FXR1: variants seen among roughly 807,000 people sequenced by gnomAD.
FXR1 encodes the protein RNA-binding protein FXR1.
A neutral mutation model predicts 84.0 loss-of-function variants in FXR1; 15 were observed. The observed-to-expected ratio is 0.18, with a 90% CI of 0.12 to 0.27. The LOEUF is 0.27. FXR1 is among the 10% of genes least tolerant of loss of function. FXR1 has a pLI of 1.00. For missense variants in FXR1, 480 were observed against 774.4 expected, an observed-to-expected ratio of 0.62 and a Z score of 4.51; for synonymous variants, 245 against 250.7, an observed-to-expected ratio of 0.98 and a Z score of 0.21.
At chr3:180,974,451 C>G (rs762674767) in intron 15 of FXR1, among the ~76,000 whole-genome samples, 7 of 152,124 alleles carry the variant, frequency 4.6e-5, no homozygotes, top group Non-Finnish European at 1.0e-4. Flanking sequence ...CCCTAAGTTT[C>G]AGTTCTTGAA....
chr3:180,971,079 T>A, intron 15 of FXR1: 1 of 1,226,456 alleles, frequency 8.2e-7, no homozygotes, highest in Non-Finnish European at 1.1e-6. Flanking sequence ...TTACAGATGA[T>A]AGTGAAAAAA....
chr3:180,961,364 AAAAGGT>A (rs1712082762), intron 10 of FXR1, 98 bp from the exon 11 acceptor site: 3 of 334,130 alleles, frequency 9.0e-6, no homozygotes, highest in East Asian at 4.8e-5. Context: ...AAAAAAAAAA[AAAAGGT>A]GTGTGTGTGT....
intron 3 of FXR1, among the ~76,000 whole-genome samples, chr3:180,937,622 GA>G (rs1289419068): frequency 2.0e-5 from 3 of 151,546 alleles, no homozygotes; most frequent in Non-Finnish European, 4.4e-5. Context: ...TTTCACTTTT[GA>G]AAAATTTAAA....
intron 3 of FXR1, among the ~76,000 whole-genome samples, chr3:180,941,677 C>T (rs1289134039): frequency 1.3e-5 from 2 of 152,046 alleles, no homozygotes; most frequent in Non-Finnish European, 1.5e-5. Flanking sequence ...AAAGGAGAGA[C>T]GAACATATTC....
At chr3:180,974,852 C>T (rs764135234) in intron 15 of FXR1, among the ~76,000 whole-genome samples, 14 of 152,166 alleles carry the variant, frequency 9.2e-5, no homozygotes, top group African/African-American at 1.7e-4. Context: ...AAAACACACA[C>T]ACACATTTGA....
At chr3:180,943,762 A>T (rs1721388712) in intron 3 of FXR1, among the ~76,000 whole-genome samples, 1 of 152,188 alleles carries the variant, frequency 6.6e-6, no homozygotes. Flanking sequence ...TTCATGAATG[A>T]TTATGCTTTG....
At chr3:180,920,285 T>C (rs1467891481) in intron 1 of FXR1, among the ~76,000 whole-genome samples, 1 of 152,204 alleles carries the variant, frequency 6.6e-6, no homozygotes, top group Non-Finnish European at 1.5e-5. Context: ...TTGATATATG[T>C]ACTTAGTTCA....
intron 1 of FXR1, 131 bp downstream of exon 1, chr3:180,912,867 CCTTG>C: frequency 3.3e-6 from 5 of 1,511,386 alleles, no homozygotes. Flanking sequence ...CCGCTGGATT[CCTTG>C]CTTCTCCCCC....
chr3:180,964,103 A>G (rs1712490591), intron 13 of FXR1, among the ~76,000 whole-genome samples: 1 of 152,142 alleles, frequency 6.6e-6, no homozygotes, highest in South Asian at 2.1e-4. Context: ...CTGCCCTTTA[A>G]TATCATATCT....
chr3:180,937,129 G>C (rs1405445562), intron 3 of FXR1, among the ~76,000 whole-genome samples: 1 of 152,128 alleles, frequency 6.6e-6, no homozygotes, highest in Non-Finnish European at 1.5e-5. Context: ...TAAAGGGCTT[G>C]ATTCATTTTC....
At chr3:180,925,180 G>C (rs1719022740) in intron 1 of FXR1, among the ~76,000 whole-genome samples, 1 of 151,956 alleles carries the variant, frequency 6.6e-6, no homozygotes, top group Non-Finnish European at 1.5e-5. Context: ...GGCTAATATG[G>C]TGAAACCCTG....
intron 3 of FXR1, among the ~76,000 whole-genome samples, chr3:180,940,796 G>A (rs765190549): frequency 2.6e-5 from 4 of 152,026 alleles, no homozygotes; most frequent in Non-Finnish European, 5.9e-5. Context: ...GGCTGGTCTC[G>A]AACTCCTGAC....
At chr3:180,958,279 G>T (rs1298485179) in intron 10 of FXR1, among the ~76,000 whole-genome samples, 1 of 151,642 alleles carries the variant, frequency 6.6e-6, no homozygotes, top group Non-Finnish European at 1.5e-5. Context: ...GGTGGTTTTT[G>T]GTTACATGGT....
At chr3:180,920,305 C>G (rs1393365540) in intron 1 of FXR1, among the ~76,000 whole-genome samples, 1 of 152,024 alleles carries the variant, frequency 6.6e-6, no homozygotes, top group African/African-American at 2.4e-5. Context: ...ATAGTAAGCC[C>G]TCAGTGTATA....
At chr3:180,930,507 A>C (rs553359343) in intron 1 of FXR1, among the ~76,000 whole-genome samples, 1 of 152,348 alleles carries the variant, frequency 6.6e-6, no homozygotes, top group South Asian at 2.1e-4. Context: ...AATTATACAG[A>C]GACTAGAAAG....
At chr3:180,938,617 C>T (rs1019588169) in intron 3 of FXR1, among the ~76,000 whole-genome samples, 48 of 152,188 alleles carry the variant, frequency 3.2e-4, no homozygotes, top group Non-Finnish European at 3.2e-4. Flanking sequence ...GGTGCGATCT[C>T]GGCTCACTAC....
At chr3:180,920,273 T>C (rs1718420025) in intron 1 of FXR1, among the ~76,000 whole-genome samples, 1 of 152,218 alleles carries the variant, frequency 6.6e-6, no homozygotes, top group South Asian at 2.1e-4. Flanking sequence ...TCTTAAATTT[T>C]GTTGATATAT....
chr3:180,933,531 T>C (rs1048071946), intron 2 of FXR1, 145 bp downstream of exon 2: 2 of 659,978 alleles, frequency 3.0e-6, no homozygotes, highest in Non-Finnish European at 5.4e-6. Flanking sequence ...AAGTCTAGTT[T>C]TGATAATTCT....
intron 10 of FXR1, among the ~76,000 whole-genome samples, chr3:180,958,384 C>G (rs1490122230): frequency 2.0e-5 from 3 of 152,058 alleles, no homozygotes; most frequent in Admixed American, 6.6e-5. Flanking sequence ...TCTCTCACCC[C>G]CCTCCCAACC....
Sources: gnomAD v4.1 joint callset for allele counts (sites outside exome capture counted in the v4.1 genomes callset) on GRCh38, gnomAD v4.1.1 for gene constraint, MANE v1.5 for transcripts, NCBI Gene and HGNC (gene_info 2026-07-23, HGNC 2026-07-21) for gene names.